Variants in SNX10 observed in about 807,000 individuals in gnomAD.
The protein encoded by SNX10 is sorting nexin 10, also known as sorting nexin-10.
SNX10 carries 25 observed loss-of-function variants against 28.5 expected under a neutral mutation model. That is an observed-to-expected ratio of 0.88 (90% CI 0.64 to 1.22). SNX10 has a LOEUF of 1.22. Among genes scored for constraint, SNX10 ranks in the 50% most tolerant of loss-of-function variants. SNX10 has a pLI of 0.00. For missense variants in SNX10, 223 were observed against 242.6 expected, an observed-to-expected ratio of 0.92 and a Z score of 0.54; for synonymous variants, 62 against 81.4, an observed-to-expected ratio of 0.76 and a Z score of 1.28.
intron 1 of SNX10, among the ~76,000 whole-genome samples, chr7:26,321,279 T>G (rs562821674): frequency 1.1e-4 from 16 of 152,318 alleles, no homozygotes; most frequent in Non-Finnish European, 2.9e-5. Flanking sequence ...CTTTTGAAAT[T>G]TATGAAGGTA....
intron 1 of SNX10, among the ~76,000 whole-genome samples, chr7:26,345,418 C>G (rs987849969): frequency 6.6e-6 from 1 of 152,152 alleles, no homozygotes; most frequent in Non-Finnish European, 1.5e-5. Flanking sequence ...CTCCATGGGT[C>G]CTCTGACTGC....
chr7:26,347,199 A>G (rs1417032500), intron 2 of SNX10, among the ~76,000 whole-genome samples: 1 of 152,230 alleles, frequency 6.6e-6, no homozygotes. Flanking sequence ...AGTGGAAAGC[A>G]TGAAACCATT....
intron 2 of SNX10, among the ~76,000 whole-genome samples, chr7:26,349,752 A>G (rs1056568800): frequency 2.6e-5 from 4 of 152,236 alleles, no homozygotes; most frequent in Admixed American, 6.5e-5. Context: ...CATTTCAGAC[A>G]GTGTCTTTTG....
rs12534819 is a variant in SNX10 at position 26,346,087 on chromosome 7, C to T, written c.-23-333C>T. 0.12 allele frequency among the ~76,000 whole-genome samples: 18,925 copies of T among 152,172 alleles called. 1,232 individuals carry two copies. Among genetic ancestry groups the T allele is most frequent in the East Asian group, 0.18 (908 of 5,170 alleles). ...CTTTTCCAGCCAGCATCCCCCCGCA[C>T]ATGGCTTCTGCTCCCCGGCATCTCC... On this transcript the variant is annotated intron_variant, in intron 1 of 6. Transcript: ENST00000338523.
chr7:26,316,089 C>T lies in SNX10; in HGVS notation c.-24+24003C>T, dbSNP rs565563142. On this transcript the variant is annotated intron_variant, in intron 1 of 6. Transcript: ENST00000338523. ...GTCCCAGCTACTTGAGAGGCCGAGG[C>T]AGGAGAATGGCGTGAACCCCAGAGG... 3.9e-4 allele frequency among the ~76,000 whole-genome samples: 58 copies of T among 149,484 alleles called. 2 individuals are homozygous for T. In the South Asian group the frequency reaches 0.012, roughly 30 times the overall value.
intron 1 of SNX10, among the ~76,000 whole-genome samples, chr7:26,312,205 A>G (rs2127997759): frequency 6.6e-6 from 1 of 152,314 alleles, no homozygotes; most frequent in Admixed American, 6.5e-5. Context: ...AATCTAAAGG[A>G]GAATATTTTT....
chr7:26,344,435 C>A (rs191624480), intron 1 of SNX10, among the ~76,000 whole-genome samples: 5 of 142,914 alleles, frequency 3.5e-5, no homozygotes, highest in Admixed American at 7.0e-5. Context: ...TCCCAAAGTG[C>A]TAGGATTACA....
chr7:26,302,036 T>C (rs1031704957), intron 1 of SNX10, among the ~76,000 whole-genome samples: 1 of 152,224 alleles, frequency 6.6e-6, no homozygotes, highest in Non-Finnish European at 1.5e-5. Flanking sequence ...GACTGGGTCA[T>C]ACGTTTTTTC....
intron 5 of SNX10, chr7:26,370,567 T>C (rs1233806673): frequency 6.6e-6 from 1 of 152,242 alleles, no homozygotes; most frequent in Admixed American, 6.5e-5. Flanking sequence ...TTTAATACTG[T>C]GCATTTTTAG....
At position 26,372,658 on chromosome 7, in the gene SNX10, T is replaced by TA; in HGVS notation, c.*89dup. 1.2e-6 allele frequency: 1 copy of TA among 809,572 alleles called. No individual in the cohort carries two copies. The highest frequency in any genetic ancestry group is 2.2e-6 in the Non-Finnish European group (1 of 462,240). 50.1% of individuals were successfully genotyped at this position (809,572 alleles called of 1,614,324 possible). A position where few individuals can be genotyped will look rare whatever the true frequency, so the allele number is the denominator to read the frequency against. Reference sequence around the variant, plus strand: ...AGCTTCATAATAATACATTCTTACCTAAAGCTCACTGTCATGATGTTAGGT... The same window carrying TA: ...AGCTTCATAATAATACATTCTTACCTAAAAGCTCACTGTCATGATGTTAGGT... On this transcript the variant is annotated 3_prime_UTR_variant, in exon 7 of 7. Transcript: ENST00000338523.
intron 1 of SNX10, among the ~76,000 whole-genome samples, chr7:26,297,767 C>A (rs1389037968): frequency 6.6e-6 from 1 of 152,254 alleles, no homozygotes; most frequent in Non-Finnish European, 1.5e-5. Context: ...GAAATAATGG[C>A]TGCACCTCTG....
intron 1 of SNX10, among the ~76,000 whole-genome samples, chr7:26,328,502 TGATATG>T (rs766508248): frequency 6.6e-6 from 1 of 152,056 alleles, no homozygotes; most frequent in African/African-American, 2.4e-5. Flanking sequence ...CCTTTGTACA[TGATATG>T]GGAGTGGAAG....
chr7:26,362,170 GC>G (rs1230200085), intron 3 of SNX10, among the ~76,000 whole-genome samples: 1 of 152,100 alleles, frequency 6.6e-6, no homozygotes, highest in Non-Finnish European at 1.5e-5. Flanking sequence ...GTGTTGTAAA[GC>G]CATTCCAGGA....
chr7:26,346,450 C>T lies in SNX10; in HGVS notation c.8C>T (p.Pro3Leu), dbSNP rs369562646. ...TCGTGTCCTGTGCTGAAGATGTTTC[C>T]GGAACAACAGAAAGAGGTATGTCAT... is the stretch of plus-strand genomic sequence containing the variant. Reference protein sequence around the residue: MFPEQQKEEFVSV... With the variant: MFLEQQKEEFVSV... The change falls in exon 2 of 7, where the codon CCG becomes CTG. Residue 3 changes from proline (P) to leucine (L), a missense_variant. By Grantham distance (98) the Pro-to-Leu change is moderately conservative. Transcript: ENST00000338523. The T allele has an allele frequency of 5.7e-5, 92 of 1,608,784 alleles. No homozygotes were observed. The highest frequency in any genetic ancestry group is 7.5e-5 in the Non-Finnish European group (88 of 1,175,318).
chr7:26,314,286 C>T (rs925044142), intron 1 of SNX10, among the ~76,000 whole-genome samples: 3 of 150,836 alleles, frequency 2.0e-5, no homozygotes, highest in African/African-American at 7.3e-5. Context: ...GAGATGGAGT[C>T]TCACTCTGTT....
rs115361273 is a variant in SNX10, at chr7:26,293,580, A to G, written c.-24+1494A>G. Among the ~76,000 whole-genome samples the G allele has an allele frequency of 4.2e-3, 633 of 152,364 alleles. 5 individuals are homozygous for G. The highest frequency in any genetic ancestry group is 0.014 in the African/African-American group (593 of 41,574). On this transcript the variant is annotated intron_variant, in intron 1 of 6. Coordinates refer to ENST00000338523, the MANE Select transcript of SNX10 (RefSeq NM_013322.3). ...GGCAGTTTTTAATAAAAATACAAAA[A>G]TAAAATACATTTAGAAGAAACTGTG...
intron 2 of SNX10, among the ~76,000 whole-genome samples, chr7:26,357,770 C>G (rs1788883483): frequency 6.6e-6 from 1 of 151,928 alleles, no homozygotes; most frequent in South Asian, 2.1e-4. Context: ...ACAGAGGGGT[C>G]TAGGAGAACT....
At chr7:26,326,269 T>G (rs956234455) in intron 1 of SNX10, among the ~76,000 whole-genome samples, 2 of 152,214 alleles carry the variant, frequency 1.3e-5, no homozygotes, top group African/African-American at 4.8e-5. Flanking sequence ...CACTTCCTTG[T>G]AACTGTTCAC....
At chr7:26,344,066 T>C (rs1047502380) in intron 1 of SNX10, among the ~76,000 whole-genome samples, 1 of 152,064 alleles carries the variant, frequency 6.6e-6, no homozygotes, top group African/African-American at 2.4e-5. Context: ...GCCGTTGATC[T>C]CCTGAACTCT....
Sources: allele counts gnomAD v4.1 joint callset (sites outside exome capture counted in the v4.1 genomes callset), GRCh38; gene constraint gnomAD v4.1.1; transcripts MANE v1.5; gene names NCBI Gene and HGNC (gene_info 2026-07-23, HGNC 2026-07-21).